The following SSPN variants were observed in gnomAD, a reference collection of about 807,000 sequenced individuals.
SSPN encodes the protein K-ras oncogene-associated protein.
In SSPN, 15 loss-of-function variants were observed where a neutral mutation model predicts 19.1. That is an observed-to-expected ratio of 0.78 (90% CI 0.52 to 1.21). The LOEUF is 1.21. Ranked by LOEUF, SSPN falls within the 50% of genes most tolerant of loss-of-function variation. The probability of loss-of-function intolerance (pLI) is 0.00; values close to 1 mark genes in which losing one functional copy is unlikely to be tolerated. For synonymous variants in SSPN, 147 were observed against 140.3 expected, an observed-to-expected ratio of 1.05 and a Z score of -0.34; for missense variants, 291 against 314.0, an observed-to-expected ratio of 0.93 and a Z score of 0.55.
intron 1 of SSPN, among the ~76,000 whole-genome samples, chr12:26,203,508 G>C (rs1253762495): frequency 6.6e-6 from 1 of 152,140 alleles, no homozygotes; most frequent in African/African-American, 2.4e-5. Flanking sequence ...CTATTCCATA[G>C]GCACACCCTC....
chr12:26,182,611 TC>T (rs1222556538), intron 1 of SSPN, among the ~76,000 whole-genome samples: 1 of 60,560 alleles, frequency 1.7e-5, no homozygotes, highest in African/African-American at 3.7e-5. Context: ...TCCCTTCCCT[TC>T]CCTTCCCTTC....
At chr12:26,123,226 A>G (rs2137387686) in intron 1 of SSPN, 1 of 1,510,704 alleles carries the variant, frequency 6.6e-7, no homozygotes, top group Non-Finnish European at 8.9e-7. Context: ...GAAGAAACAT[A>G]CCCACGTTAA....
upstream of SSPN, among the ~76,000 whole-genome samples, chr12:26,192,208 T>C (rs1191685675): frequency 1.3e-5 from 2 of 152,250 alleles, no homozygotes; most frequent in Non-Finnish European, 2.9e-5. Context: ...TATTAACTAC[T>C]GTCCTGCAAT....
At chr12:26,218,610 T>G (rs978325315) in intron 1 of SSPN, among the ~76,000 whole-genome samples, 2 of 152,142 alleles carry the variant, frequency 1.3e-5, no homozygotes, top group Non-Finnish European at 2.9e-5. Context: ...TCTTAGGCTT[T>G]GTCTTACCAT....
chr12:26,123,637 T>G (rs750972946), intron 1 of SSPN: 7 of 1,612,426 alleles, frequency 4.3e-6, no homozygotes, highest in Non-Finnish European at 2.5e-6. Context: ...TACCATTCTG[T>G]AAAGCAATTA....
intron 1 of SSPN, among the ~76,000 whole-genome samples, chr12:26,187,910 A>G (rs1591868966): frequency 6.6e-6 from 1 of 152,320 alleles, no homozygotes. Flanking sequence ...TAAGAAGAGA[A>G]AGAATGAGGA....
chr12:26,208,952 A>T (rs2137476034), intron 1 of SSPN, among the ~76,000 whole-genome samples: 1 of 152,240 alleles, frequency 6.6e-6, no homozygotes, highest in East Asian at 1.9e-4. Context: ...AATTAAAATG[A>T]TGCTATAATG....
chr12:26,124,774 G>A (rs1311267949), intron 1 of SSPN: 19 of 1,614,006 alleles, frequency 1.2e-5, no homozygotes, highest in East Asian at 2.2e-5. Context: ...GAATTCCTTC[G>A]TCCATGTTCA....
In SSPN at chr12:26,232,017, A is replaced by G; in HGVS notation, c.*941A>G. The G allele has an allele frequency of 2.1e-6, 2 of 943,404 alleles. No individual in the cohort carries two copies. The highest frequency in any genetic ancestry group is 2.5e-6 in the Non-Finnish European group (2 of 794,282). 58.4% of individuals were successfully genotyped at this position (943,404 alleles called of 1,614,324 possible). ...GCCAAGCACCACAAGGAAAAAAAAA[A>G]TTATTAATAGCTCAGGTTAAAAACA... is the stretch of plus-strand genomic sequence containing the variant. On this transcript the variant is annotated 3_prime_UTR_variant, in exon 3 of 3. Coordinates refer to ENST00000242729, the MANE Select transcript of SSPN (RefSeq NM_005086.5).
At chr12:26,229,966 G>T (rs1945213113) in intron 2 of SSPN, among the ~76,000 whole-genome samples, 2 of 152,196 alleles carry the variant, frequency 1.3e-5, no homozygotes, top group South Asian at 2.1e-4. Flanking sequence ...ACTTTAACCA[G>T]ACTTTTTCAA....
intron 1 of SSPN, among the ~76,000 whole-genome samples, chr12:26,196,380 C>T (rs1317583403): frequency 1.3e-5 from 2 of 152,166 alleles, no homozygotes; most frequent in African/African-American, 4.8e-5. Context: ...AGGAGAAAGC[C>T]TGTACTTGGA....
intron 1 of SSPN, among the ~76,000 whole-genome samples, chr12:26,127,241 C>T (rs1453886814): frequency 4.6e-5 from 7 of 152,182 alleles, no homozygotes; most frequent in Non-Finnish European, 1.0e-4. Flanking sequence ...GGGCTAAAAA[C>T]ACAAGGCAGA....
chr12:26,182,195 A>G (rs192049347), intron 1 of SSPN, among the ~76,000 whole-genome samples: 41 of 152,188 alleles, frequency 2.7e-4, no homozygotes, highest in Non-Finnish European at 5.3e-4. Flanking sequence ...TGTGAGCCTC[A>G]CTGGAGTCGT....
At chr12:26,209,557 G>T (rs578056553) in intron 1 of SSPN, among the ~76,000 whole-genome samples, 62 of 151,778 alleles carry the variant, frequency 4.1e-4, no homozygotes, top group Admixed American at 1.9e-3. Flanking sequence ...CTTCATTTAG[G>T]TTTAATCTGC....
chr12:26,180,208 C>T (rs1166982107), intron 1 of SSPN: 1 of 152,172 alleles, frequency 6.6e-6, no homozygotes, highest in African/African-American at 2.4e-5. Flanking sequence ...AATAATGAAA[C>T]TGCTAAGGAG....
intron 1 of SSPN, among the ~76,000 whole-genome samples, chr12:26,204,883 C>T (rs949076587): frequency 1.3e-5 from 2 of 152,112 alleles, no homozygotes; most frequent in Non-Finnish European, 2.9e-5. Context: ...AGTTCCAAAA[C>T]GAAAAGGGAT....
Position 26,232,324 on chromosome 12 carries a change from C to A in SSPN, c.*1248C>A. The A allele has an allele frequency of 9.1e-6, 9 of 985,358 alleles. No homozygotes were observed. Among genetic ancestry groups the A allele is most frequent in the Non-Finnish European group, 1.1e-5 (9 of 829,908 alleles). 61.0% of individuals were successfully genotyped at this position (985,358 alleles called of 1,614,324 possible). A position where few individuals can be genotyped will look rare whatever the true frequency, so the allele number is the denominator to read the frequency against. ...TTTTAGTTGTTTTGTTTTTAAGTGA[C>A]TGTGGTTTAAAGCACAAATGCCCCA... On this transcript the variant is annotated 3_prime_UTR_variant, in exon 3 of 3. Transcript: ENST00000242729.
intron 1 of SSPN, among the ~76,000 whole-genome samples, chr12:26,131,974 G>T (rs1249179273): frequency 6.6e-6 from 1 of 152,106 alleles, no homozygotes; most frequent in Non-Finnish European, 1.5e-5. Flanking sequence ...CTCAGCCCCT[G>T]AGAGGATCTC....
intron 1 of SSPN, among the ~76,000 whole-genome samples, chr12:26,212,151 C>G (rs915074851): frequency 9.2e-5 from 14 of 152,122 alleles, no homozygotes; most frequent in African/African-American, 3.4e-4. Flanking sequence ...CCTGCTTTTG[C>G]ATTATAATTT....
Sources: gnomAD v4.1 joint callset for allele counts (sites outside exome capture counted in the v4.1 genomes callset) on GRCh38, gnomAD v4.1.1 for gene constraint, MANE v1.5 for transcripts, NCBI Gene and HGNC (gene_info 2026-07-23, HGNC 2026-07-21) for gene names.